Variants in CDK13 observed in about 807,000 individuals in gnomAD.
CDK13 encodes cyclin-dependent kinase 13.
In CDK13, 40 loss-of-function variants were observed where a neutral mutation model predicts 137.6. That is an observed-to-expected ratio of 0.29 (90% confidence interval 0.23 to 0.38). CDK13 has a LOEUF of 0.38. CDK13 is among the 10% of genes least tolerant of loss of function. The probability of loss-of-function intolerance (pLI) is 1.00; values close to 1 mark genes in which losing one functional copy is unlikely to be tolerated. For synonymous variants in CDK13, 869 were observed against 760.1 expected, an observed-to-expected ratio of 1.14 and a Z score of -2.36; for missense variants, 1,704 against 1,951.8, an observed-to-expected ratio of 0.87 and a Z score of 2.39.
At chr7:40,005,782 C>T (rs1562724471) in intron 5 of CDK13, among the ~76,000 whole-genome samples, 2 of 152,122 alleles carry the variant, frequency 1.3e-5, no homozygotes, top group Admixed American at 1.3e-4. Context: ...AGCTAGCGTG[C>T]GGTGGCATGC....
intron 5 of CDK13, among the ~76,000 whole-genome samples, chr7:40,030,146 T>C (rs1011733649): frequency 6.6e-6 from 1 of 152,118 alleles, no homozygotes; most frequent in African/African-American, 2.4e-5. Flanking sequence ...TCAGTAGTAG[T>C]AGTTATAGCC....
At chr7:40,022,828 T>C (rs1785155753) in intron 5 of CDK13, among the ~76,000 whole-genome samples, 1 of 151,506 alleles carries the variant, frequency 6.6e-6, no homozygotes, top group East Asian at 1.9e-4. Context: ...GGTAGATCCA[T>C]AGGAAGAAAG....
At chr7:39,989,843 C>CAA (rs1463971377) in intron 2 of CDK13, among the ~76,000 whole-genome samples, 4 of 149,108 alleles carry the variant, frequency 2.7e-5, no homozygotes, top group African/African-American at 9.9e-5. Context: ...AGTGCAGTGG[C>CAA]GCTCTCTCGG....
chr7:39,972,807 CATATATCTAGGAGTAGAAT>C, intron 1 of CDK13, among the ~76,000 whole-genome samples: 1 of 152,158 alleles, frequency 6.6e-6, no homozygotes, highest in East Asian at 1.9e-4. Flanking sequence ...TTCTCTTGAG[CATATATCTAGGAGTAGAAT>C]TGCTGGGTCA....
At chr7:40,011,570 A>G (rs1157448504) in intron 5 of CDK13, among the ~76,000 whole-genome samples, 1 of 152,226 alleles carries the variant, frequency 6.6e-6, no homozygotes, top group Non-Finnish European at 1.5e-5. Context: ...GTGCTGGGAT[A>G]ACTGGATATC....
Position 40,099,081 on chromosome 7 carries a change from CA to C in CDK13, c.*4108del, listed in dbSNP as rs1046382415. ...TTTGGAACTTTAAAAAAAAAAACAA[CA>C]AAAAAATACTTTCAGGGTTTTGTAA... is the stretch of plus-strand genomic sequence containing the variant. On this transcript the variant is annotated 3_prime_UTR_variant, in exon 14 of 14. Transcript: ENST00000181839. 1 of 150,474 alleles carries C rather than the reference CA, an allele frequency of 6.6e-6. No homozygotes were observed. The highest frequency in any genetic ancestry group is 1.9e-4 in the East Asian group (1 of 5,156). 9.3% of individuals were successfully genotyped at this position (150,474 alleles called of 1,614,324 possible).
rs1583907946 is a variant in CDK13, at chr7:39,959,856, T to G, written c.1211+8004T>G. Among the ~76,000 whole-genome samples, 3 of 116,886 alleles carry G rather than the reference T, an allele frequency of 2.6e-5. No homozygotes were observed. The Admixed American group carries it at 2.6e-4, about 10-fold the overall frequency. 76.7% of individuals were successfully genotyped at this position (116,886 alleles called of 152,430 possible). A position where few individuals can be genotyped will look rare whatever the true frequency, so the allele number is the denominator to read the frequency against. On this transcript the variant is annotated intron_variant, in intron 1 of 13. Coordinates refer to ENST00000181839, the MANE Select transcript of CDK13 (RefSeq NM_003718.5). ...CTACTAACTTGTTTTTTTTTTTTTT[T>G]GCGGCATTAGCAAGTATTTTTCGTG...
Position 40,096,978 on chromosome 7 carries a change from AGCTT to A in CDK13, c.*1999_*2002del, listed in dbSNP as rs1787060508. 1.3e-5 allele frequency: 2 copies of A among 152,152 alleles called. No homozygotes were observed. The highest frequency in any genetic ancestry group is 6.5e-5 in the Admixed American group (1 of 15,278). The allele number at this position is 152,152 out of a possible 1,614,324, so 9.4% of individuals were successfully genotyped here. A position where few individuals can be genotyped will look rare whatever the true frequency, so the allele number is the denominator to read the frequency against. ...GAAATTTTAATATGGTGAGTCTTAG[AGCTT>A]TAGACTTTCCTATAAGTGACAGTAT... On this transcript the variant is annotated 3_prime_UTR_variant, in exon 14 of 14. Transcript: ENST00000181839.
chr7:40,031,299 A>T (rs1785372314), intron 5 of CDK13, among the ~76,000 whole-genome samples: 1 of 152,142 alleles, frequency 6.6e-6, no homozygotes, highest in Non-Finnish European at 1.5e-5. Context: ...AGGTGGGCGG[A>T]TCACTTGAGG....
rs71560157 is a variant in CDK13 at position 40,003,153 on chromosome 7, T to TACACACAC, written c.2353+1169_2353+1176dup. ...TACTTAGACTCCTGTCTTCCCCAGC[T>TACACACAC]ACACACACACACACACACACACACA... On this transcript the variant is annotated intron_variant, in intron 5 of 13. Coordinates refer to ENST00000181839, the MANE Select transcript of CDK13 (RefSeq NM_003718.5). 4.3e-3 allele frequency among the ~76,000 whole-genome samples: 518 copies of TACACACAC among 119,854 alleles called. 1 individual carries two copies. Among genetic ancestry groups the TACACACAC allele is most frequent in the Admixed American group, 7.0e-3 (78 of 11,210 alleles). The allele number at this position is 119,854 out of a possible 152,430, so 78.6% of individuals were successfully genotyped here.
chr7:39,951,108 G>GGCT lies in CDK13; in HGVS notation c.475_477dup (p.Leu159dup). ...GATGTGAGCTCCCAGTCCGAGCAGG[G>GGCT]GCTGCTGCTGGGGGGGGCCAGCGCG... On this transcript the variant is annotated inframe_insertion, in exon 1 of 14. Coordinates refer to ENST00000181839, the MANE Select transcript of CDK13 (RefSeq NM_003718.5). The GGCT allele has an allele frequency of 8.0e-7, 1 of 1,249,358 alleles. No homozygotes were observed. The highest frequency in any genetic ancestry group is 1.0e-6 in the Non-Finnish European group (1 of 998,094). 77.4% of individuals were successfully genotyped at this position (1,249,358 alleles called of 1,614,324 possible).
rs1786957357 is a variant in CDK13, at chr7:40,092,878, T to G, written c.3329T>G (p.Phe1110Cys). 1 of 1,614,042 alleles carries G rather than the reference T, an allele frequency of 6.2e-7. No homozygotes were observed. Among genetic ancestry groups the G allele is most frequent in the Non-Finnish European group, 8.5e-7 (1 of 1,180,000 alleles). Residue 1110 changes from phenylalanine to cysteine, a missense_variant, in exon 13 of 14, where the codon TTT (phenylalanine) becomes TGT (cysteine). Phe to Cys is a radical substitution (Grantham distance 205, BLOSUM62 -2). Coordinates refer to ENST00000181839, the MANE Select transcript of CDK13 (RefSeq NM_003718.5). ...QSKTSVNMADFVQVLNIKVNS... is the reference protein window; with the variant it reads ...QSKTSVNMADCVQVLNIKVNS... ...AAAACAAGTGTTAATATGGCTGATT[T>G]TGTCCAAGTGTTGAACATTAAGGTA...
chr7:40,078,460 C>A, intron 10 of CDK13: 1 of 276,420 alleles, frequency 3.6e-6, no homozygotes, highest in Non-Finnish European at 6.6e-6. Context: ...ATAATAACAG[C>A]AAATTACCGA....
intron 1 of CDK13, among the ~76,000 whole-genome samples, chr7:39,954,323 T>G (rs1315860629): frequency 6.6e-6 from 1 of 152,212 alleles, no homozygotes; most frequent in Admixed American, 6.5e-5. Flanking sequence ...ATAAGTGTAT[T>G]GTTACTTTTT....
At chr7:40,045,804 G>C in intron 5 of CDK13, 32 bp from the exon 6 acceptor site, 2 of 1,432,422 alleles carry the variant, frequency 1.4e-6, no homozygotes, top group Non-Finnish European at 1.9e-6. Flanking sequence ...GTAGGAATAA[G>C]TTTCTAATGT....
intron 9 of CDK13, chr7:40,069,823 T>G (rs1272903298): frequency 6.6e-6 from 1 of 152,298 alleles, no homozygotes; most frequent in African/African-American, 2.4e-5. Flanking sequence ...GGCTCATACC[T>G]ATAATCCCAG....
rs1301650064 is a variant in CDK13 at position 39,951,487 on chromosome 7, G to A, written c.846G>A (p.Arg282=). The change falls in exon 1 of 14, where the codon CGG becomes CGA. Residue 282 remains arginine (R), a synonymous_variant. Transcript: ENST00000181839. ...GGGACTCGAAGGCCCACCGCAGCCG[G>A]ACTAAGTCGTCCAAGGAGCCGCCTT... is the stretch of plus-strand genomic sequence containing the variant. The part of the protein sequence containing the change: ...KDRDSKAHRS[R]TKSSKEPPSA... 5.8e-6 allele frequency: 9 copies of A among 1,538,470 alleles called. No homozygotes were observed. Among genetic ancestry groups the A allele is most frequent in the Non-Finnish European group, 7.9e-6 (9 of 1,143,480 alleles).
chr7:39,987,841 A>T lies in CDK13; in HGVS notation c.1454A>T (p.Lys485Met), dbSNP rs747014391. Residue 485 changes from lysine to methionine, a missense_variant, in exon 2 of 14, where the codon AAG becomes ATG. By Grantham distance (95) the Lys-to-Met change is moderately conservative (BLOSUM62 -1). Around this residue, in one of 5 missense-constraint regions of CDK13, gnomAD observed 1,051 missense variants for 931.0 expected, o/e 1.13. Transcript: ENST00000181839. ...EATKAAEAAA[K>M]AAKASNTSTP... Reference sequence around the variant, plus strand: ...ACTAAGGCTGCTGAGGCTGCTGCCAAGGCTGCAAAAGCTTCAAACACTTCT... The same window carrying T: ...ACTAAGGCTGCTGAGGCTGCTGCCATGGCTGCAAAAGCTTCAAACACTTCT... 6.2e-7 allele frequency: 1 copy of T among 1,614,206 alleles called. No individual in the cohort carries two copies. Among genetic ancestry groups the T allele is most frequent in the Non-Finnish European group, 8.5e-7 (1 of 1,180,032 alleles).
At position 40,078,707 on chromosome 7, in the gene CDK13, C is replaced by A; in HGVS notation, c.2898-13C>A. 1 of 1,454,250 alleles carries A rather than the reference C, an allele frequency of 6.9e-7. No individual in the cohort carries two copies. Among genetic ancestry groups the A allele is most frequent in the Non-Finnish European group, 9.1e-7 (1 of 1,097,778 alleles). The allele number at this position is 1,454,250 out of a possible 1,614,324, so 90.1% of individuals were successfully genotyped here. A position where few individuals can be genotyped will look rare whatever the true frequency, so the allele number is the denominator to read the frequency against. On this transcript the variant is annotated splice_polypyrimidine_tract_variant and intron_variant, in intron 10 of 13. Coordinates refer to ENST00000181839, the MANE Select transcript of CDK13 (RefSeq NM_003718.5). ...AAAGAACACATCTAACTTTTGTAATCCTCTCATGCTAGTATTCCTGCAGCT... is the reference window on the plus strand; with the variant it reads ...AAAGAACACATCTAACTTTTGTAATACTCTCATGCTAGTATTCCTGCAGCT...
Sources: allele counts gnomAD v4.1 joint callset (sites outside exome capture counted in the v4.1 genomes callset), GRCh38; gene constraint gnomAD v4.1.1; regional missense constraint gnomAD v4.1.1; transcripts MANE v1.5; gene names NCBI Gene and HGNC (gene_info 2026-07-23, HGNC 2026-07-21).